TSPAN18: variants seen among roughly 807,000 people sequenced by gnomAD.
TSPAN18 encodes tetraspanin-18.
In TSPAN18, 14 loss-of-function variants were observed where a neutral mutation model predicts 27.3. The ratio of observed to expected loss-of-function variants is 0.51; its 90% CI spans 0.34 to 0.80. TSPAN18 has a LOEUF of 0.80. Ranked by LOEUF, TSPAN18 falls within the 30% of genes least tolerant of loss-of-function variation. TSPAN18 has a pLI of 0.01. For missense variants in TSPAN18, 268 were observed against 323.9 expected (o/e 0.83, Z 1.32); for synonymous variants, 143 against 136.5 (o/e 1.05, Z -0.33).
In TSPAN18 at chr11:44,826,411, C is replaced by T. The variant is rs576778817; in HGVS notation, c.-152-33917C>T. 6.6e-5 allele frequency among the ~76,000 whole-genome samples: 10 copies of T among 152,212 alleles called. No individual in the cohort carries two copies. In the East Asian group the frequency reaches 1.2e-3, roughly 18 times the overall value. On this transcript the variant is annotated intron_variant, in intron 2 of 9. Coordinates refer to ENST00000520358, the MANE Select transcript of TSPAN18 (RefSeq NM_130783.5). ...TGCACTCCAGCCTGGGCAACAAGAG[C>T]GAGAAACTCTGTCTCAAAAAAGAAA...
chr11:44,918,114 G>A (rs1473116664), intron 6 of TSPAN18, 68 bp downstream of exon 6: 2 of 1,511,512 alleles, frequency 1.3e-6, no homozygotes, highest in Admixed American at 1.7e-5. Context: ...ATTCAGGTCT[G>A]GCTCCTCCCC....
chr11:44,808,434 C>G (rs893868198), intron 2 of TSPAN18, among the ~76,000 whole-genome samples: 1 of 152,148 alleles, frequency 6.6e-6, no homozygotes, highest in Non-Finnish European at 1.5e-5. Flanking sequence ...CCTATTTATG[C>G]GTATGGATTC....
chr11:44,824,451 C>T (rs759713009), intron 2 of TSPAN18, among the ~76,000 whole-genome samples: 6 of 152,162 alleles, frequency 3.9e-5, no homozygotes, highest in Admixed American at 6.5e-5. Flanking sequence ...GGGGGAGGGT[C>T]ACTGGGAAAG....
At chr11:44,740,477 G>A (rs1270024034) in intron 1 of TSPAN18, among the ~76,000 whole-genome samples, 1 of 152,204 alleles carries the variant, frequency 6.6e-6, no homozygotes, top group East Asian at 1.9e-4. Flanking sequence ...TGGGGCACCT[G>A]GTGCTGCTGA....
intron 1 of TSPAN18, among the ~76,000 whole-genome samples, chr11:44,745,201 A>C (rs1458692764): frequency 6.6e-6 from 1 of 152,188 alleles, no homozygotes; most frequent in African/African-American, 2.4e-5. Context: ...TCTGGTTGGT[A>C]CTGTACAGTT....
intron 2 of TSPAN18, among the ~76,000 whole-genome samples, chr11:44,844,574 C>T (rs1857442007): frequency 6.6e-6 from 1 of 152,148 alleles, no homozygotes; most frequent in Non-Finnish European, 1.5e-5. Flanking sequence ...ATTTGCATTT[C>T]CCTGGTAGTA....
chr11:44,856,385 A>G (rs960867887), intron 2 of TSPAN18, among the ~76,000 whole-genome samples: 1 of 152,116 alleles, frequency 6.6e-6, no homozygotes, highest in Admixed American at 6.5e-5. Context: ...ATGGTCTTGA[A>G]TACCCGCCCA....
chr11:44,910,274 A>G (rs1007134591), intron 5 of TSPAN18, among the ~76,000 whole-genome samples: 1 of 152,222 alleles, frequency 6.6e-6, no homozygotes, highest in Non-Finnish European at 1.5e-5. Context: ...CCTGCAGTCA[A>G]TCCAGGACCC....
intron 3 of TSPAN18, among the ~76,000 whole-genome samples, chr11:44,896,211 C>A (rs538855230): frequency 6.6e-6 from 1 of 152,042 alleles, no homozygotes; most frequent in Non-Finnish European, 1.5e-5. Flanking sequence ...TGGTAGCCTG[C>A]CTCGTGGGCT....
intron 6 of TSPAN18, among the ~76,000 whole-genome samples, chr11:44,918,707 G>A (rs1174866040): frequency 6.6e-6 from 1 of 152,092 alleles, no homozygotes; most frequent in East Asian, 1.9e-4. Context: ...CTCCTCTGCT[G>A]GGCACCACCC....
At chr11:44,797,729 A>G (rs1409588795) in intron 2 of TSPAN18, among the ~76,000 whole-genome samples, 1 of 152,178 alleles carries the variant, frequency 6.6e-6, no homozygotes, top group Non-Finnish European at 1.5e-5. Context: ...TCAAGAGCAC[A>G]TGTGAATGGG....
chr11:44,867,784 A>G (rs1858080899), intron 3 of TSPAN18, among the ~76,000 whole-genome samples: 1 of 152,180 alleles, frequency 6.6e-6, no homozygotes, highest in African/African-American at 2.4e-5. Flanking sequence ...CAGCACATGC[A>G]AAGTCCCTGG....
intron 2 of TSPAN18, among the ~76,000 whole-genome samples, chr11:44,767,413 TTG>T (rs1316622564): frequency 6.6e-6 from 1 of 152,222 alleles, no homozygotes; most frequent in Non-Finnish European, 1.5e-5. Flanking sequence ...AGGACAGTGT[TTG>T]TGGGAGCTCC....
chr11:44,758,069 G>T (rs1215082902), intron 1 of TSPAN18, among the ~76,000 whole-genome samples: 7 of 152,160 alleles, frequency 4.6e-5, no homozygotes, highest in Admixed American at 3.9e-4. Context: ...GCTCTGGCTA[G>T]AACTTCTAAT....
At chr11:44,789,550 G>T (rs835860) in intron 2 of TSPAN18, among the ~76,000 whole-genome samples, 3,731 of 152,236 alleles carry the variant, frequency 0.025, 156 homozygotes, top group African/African-American at 0.084. Context: ...GCTGGCTTTG[G>T]CAAGTAACAA....
chr11:44,767,109 A>C (rs1855585063), intron 2 of TSPAN18, among the ~76,000 whole-genome samples: 1 of 151,972 alleles, frequency 6.6e-6, no homozygotes, highest in African/African-American at 2.4e-5. Context: ...GAGACACATA[A>C]CTCCTTCTGT....
intron 3 of TSPAN18, among the ~76,000 whole-genome samples, chr11:44,864,571 C>G (rs1451840144): frequency 1.3e-5 from 2 of 152,206 alleles, no homozygotes; most frequent in East Asian, 3.9e-4. Context: ...TTGTTCAACC[C>G]TCCCTTGCCA....
At chr11:44,822,082 A>G (rs1002880206) in intron 2 of TSPAN18, among the ~76,000 whole-genome samples, 1 of 152,164 alleles carries the variant, frequency 6.6e-6, no homozygotes, top group African/African-American at 2.4e-5. Context: ...CCTGGCTGTG[A>G]CAGGCAGGAA....
At chr11:44,831,789 G>A (rs1327489706) in intron 2 of TSPAN18, among the ~76,000 whole-genome samples, 2 of 152,196 alleles carry the variant, frequency 1.3e-5, no homozygotes, top group Non-Finnish European at 2.9e-5. Flanking sequence ...TCATGCAGTG[G>A]TTAGGCCGAG....
Sources: gnomAD v4.1 joint callset for allele counts (sites outside exome capture counted in the v4.1 genomes callset) on GRCh38, gnomAD v4.1.1 for gene constraint, MANE v1.5 for transcripts, NCBI Gene and HGNC (gene_info 2026-07-23, HGNC 2026-07-21) for gene names.